The following MLLT10 variants were observed in gnomAD, a reference collection of about 807,000 sequenced individuals.
MLLT10 encodes MLLT10 histone lysine methyltransferase DOT1L cofactor, also known as protein AF-10.
MLLT10 carries 30 observed loss-of-function variants against 129.1 expected under a neutral mutation model. The observed-to-expected ratio is 0.23, with a 90% CI of 0.17 to 0.32. The LOEUF (loss-of-function observed/expected upper bound fraction) is 0.32. Ranked by LOEUF, MLLT10 falls within the 10% of genes least tolerant of loss-of-function variation. The pLI is 1.00. For synonymous variants in MLLT10, 490 were observed against 446.4 expected, an observed-to-expected ratio of 1.10 and a Z score of -1.23; for missense variants, 1,119 against 1,268.3, an observed-to-expected ratio of 0.88 and a Z score of 1.79.
chr10:21,627,511 C>T (rs1460554732), intron 8 of MLLT10, among the ~76,000 whole-genome samples: 2 of 152,180 alleles, frequency 1.3e-5, no homozygotes, highest in African/African-American at 4.8e-5. Context: ...CATGTCTATT[C>T]AGTATTTCCC....
intron 21 of MLLT10, chr10:21,738,494 T>A: frequency 7.8e-7 from 1 of 1,288,404 alleles, no homozygotes; most frequent in South Asian, 1.2e-5. Flanking sequence ...AGGACTGTAC[T>A]TTTTCCTTCA....
intron 17 of MLLT10, among the ~76,000 whole-genome samples, chr10:21,732,413 C>A (rs1180578674): frequency 6.6e-6 from 1 of 152,158 alleles, no homozygotes; most frequent in Non-Finnish European, 1.5e-5. Context: ...GGATTAGGGG[C>A]TTCCTGCCAG....
At chr10:21,580,070 G>C (rs1164719858) in intron 3 of MLLT10, among the ~76,000 whole-genome samples, 1 of 150,756 alleles carries the variant, frequency 6.6e-6, no homozygotes, top group East Asian at 1.9e-4. Flanking sequence ...GCCCAGGCTG[G>C]AGTGCAGTAT....
At chr10:21,708,597 T>A in intron 13 of MLLT10, 3 of 985,264 alleles carry the variant, frequency 3.0e-6, no homozygotes, top group Non-Finnish European at 3.6e-6. Flanking sequence ...GTAAACTGAG[T>A]ACCAGATATT....
intron 3 of MLLT10, among the ~76,000 whole-genome samples, chr10:21,540,980 C>T (rs768175150): frequency 3.3e-5 from 5 of 151,886 alleles, no homozygotes; most frequent in South Asian, 2.1e-4. Context: ...AGCAACATGG[C>T]GAAACCCCAC....
chr10:21,537,955 A>G (rs748427449), intron 2 of MLLT10, among the ~76,000 whole-genome samples: 23 of 152,108 alleles, frequency 1.5e-4, no homozygotes, highest in Admixed American at 1.2e-3. Flanking sequence ...TGTGATGTAT[A>G]ATTAAATCAT....
At chr10:21,628,648 G>T (rs2046700799) in intron 8 of MLLT10, among the ~76,000 whole-genome samples, 1 of 151,538 alleles carries the variant, frequency 6.6e-6, no homozygotes. Context: ...TGCCATGTCG[G>T]TCAGGCTGGT....
intron 5 of MLLT10, among the ~76,000 whole-genome samples, chr10:21,602,890 C>A (rs1434351745): frequency 6.6e-6 from 1 of 151,664 alleles, no homozygotes; most frequent in Non-Finnish European, 1.5e-5. Context: ...CCACCACGCC[C>A]GGCTAATTTT....
At chr10:21,651,621 A>G in intron 8 of MLLT10, 52 bp from the exon 9 acceptor site, 1 of 1,263,356 alleles carries the variant, frequency 7.9e-7, no homozygotes, top group Non-Finnish European at 1.1e-6. Context: ...TCTGTTGCAT[A>G]TATGGGGTTA....
chr10:21,728,502 G>C (rs1459420867), intron 16 of MLLT10, among the ~76,000 whole-genome samples: 3 of 152,150 alleles, frequency 2.0e-5, no homozygotes, highest in African/African-American at 4.8e-5. Context: ...TGTTCTAAAT[G>C]GGGAGAATGT....
At chr10:21,654,162 C>CTGA (rs1369528796) in intron 9 of MLLT10, among the ~76,000 whole-genome samples, 1 of 152,114 alleles carries the variant, frequency 6.6e-6, no homozygotes, top group Non-Finnish European at 1.5e-5. Flanking sequence ...AGGCAAAAGC[C>CTGA]TGATTGGAGT....
Position 21,673,844 on chromosome 10 carries a change from C to T in MLLT10, c.1546C>T (p.Leu516=). The change falls in exon 11 of 23, where the codon CTG becomes TTG. Residue 516 remains leucine, a synonymous_variant. Coordinates refer to ENST00000307729, the MANE Select transcript of MLLT10 (RefSeq NM_001195626.3). Reference sequence around the variant, plus strand: ...TGCAGGAAGCATAACAAGCTCTAGTCTGCAGAAATCTCCTACATTGCTCAG... The same window carrying T: ...TGCAGGAAGCATAACAAGCTCTAGTTTGCAGAAATCTCCTACATTGCTCAG... ...SAAGSITSSS[L]QKSPTLLRNG... 6.2e-7 allele frequency: 1 copy of T among 1,614,118 alleles called. No individual in the cohort carries two copies. Among genetic ancestry groups the T allele is most frequent in the Non-Finnish European group, 8.5e-7 (1 of 1,179,982 alleles).
At chr10:21,732,787 A>G in intron 17 of MLLT10, 112 bp from the exon 18 acceptor site, 2 of 829,814 alleles carry the variant, frequency 2.4e-6, no homozygotes, top group Non-Finnish European at 3.5e-6. Flanking sequence ...AACACTTTAC[A>G]GAATTTCTAC....
Position 21,557,252 on chromosome 10 carries a change from T to G in MLLT10, c.240+18340T>G, listed in dbSNP as rs7092670. Reference sequence around the variant, plus strand: ...TGAGTTATAACTCAGTTATTATAAGTAATAGTTTATGAAATCTGTATTTGA... The same window carrying G: ...TGAGTTATAACTCAGTTATTATAAGGAATAGTTTATGAAATCTGTATTTGA... On this transcript the variant is annotated intron_variant, in intron 3 of 22. Coordinates refer to ENST00000307729, the MANE Select transcript of MLLT10 (RefSeq NM_001195626.3). The G allele has an allele frequency of 1.3e-3, 1,247 of 951,414 alleles. 9 individuals carry two copies. In the African/African-American group the frequency reaches 0.019, roughly 14 times the overall value. 58.9% of individuals were successfully genotyped at this position (951,414 alleles called of 1,614,324 possible).
chr10:21,712,340 G>A (rs2056182313), intron 13 of MLLT10, among the ~76,000 whole-genome samples: 1 of 151,870 alleles, frequency 6.6e-6, no homozygotes, highest in Non-Finnish European at 1.5e-5. Flanking sequence ...CAGTCCCCAA[G>A]GTAGCTGGGA....
At chr10:21,616,463 A>G (rs1384336207) in intron 7 of MLLT10, among the ~76,000 whole-genome samples, 1 of 152,092 alleles carries the variant, frequency 6.6e-6, no homozygotes, top group Non-Finnish European at 1.5e-5. Flanking sequence ...TAAACACCTC[A>G]AATAACTCTC....
At position 21,576,562 on chromosome 10, in the gene MLLT10, T is replaced by C. The variant is rs577710534; in HGVS notation, c.241-9732T>C. Among the ~76,000 whole-genome samples, 3 of 152,048 alleles carry C rather than the reference T, an allele frequency of 2.0e-5. No homozygotes were observed. The East Asian group carries it at 5.8e-4, about 29-fold the overall frequency. ...CCATTCCATTTACTTTTGACCTGTT[T>C]GTGTCTTCACTTAAAGTGTGTTTCT... On this transcript the variant is annotated intron_variant, in intron 3 of 22. Transcript: ENST00000307729.
intron 9 of MLLT10, among the ~76,000 whole-genome samples, chr10:21,660,830 G>C (rs1473234049): frequency 7.1e-6 from 1 of 141,094 alleles, no homozygotes; most frequent in Admixed American, 7.5e-5. Context: ...CCAAGATAGC[G>C]TCATTGCGCT....
At chr10:21,538,725 T>C (rs1203086578) in intron 2 of MLLT10, 108 bp from the exon 3 acceptor site, 12 of 701,050 alleles carry the variant, frequency 1.7e-5, no homozygotes, top group Admixed American at 1.7e-4. Context: ...TGTAAAGAGG[T>C]AGTTTACTTG....
Sources: gnomAD v4.1 joint callset for allele counts (sites outside exome capture counted in the v4.1 genomes callset) on GRCh38, gnomAD v4.1.1 for gene constraint, MANE v1.5 for transcripts, NCBI Gene and HGNC (gene_info 2026-07-23, HGNC 2026-07-21) for gene names.